FAM171A1: variants seen among roughly 807,000 people sequenced by gnomAD.
FAM171A1 encodes family with sequence similarity 171 member A1, also known as protein FAM171A1.
In FAM171A1, 23 loss-of-function variants were observed where a neutral mutation model predicts 74.9. That is an observed-to-expected ratio of 0.31 (90% CI 0.22 to 0.44). The LOEUF (loss-of-function observed/expected upper bound fraction) is 0.44, where lower values mean the gene tolerates loss of function less well. FAM171A1 is among the 20% of genes least tolerant of loss of function. The pLI is 1.00. For synonymous variants in FAM171A1, 527 were observed against 505.7 expected, an observed-to-expected ratio of 1.04 and a Z score of -0.57; for missense variants, 1,162 against 1,159.2, an observed-to-expected ratio of 1.00 and a Z score of -0.03.
intron 1 of FAM171A1, among the ~76,000 whole-genome samples, chr10:15,307,825 T>TC (rs1835315342): frequency 6.6e-6 from 1 of 151,372 alleles, no homozygotes; most frequent in African/African-American, 2.4e-5. Flanking sequence ...TTTTTTTTTT[T>TC]TGAGACAGCA....
chr10:15,363,014 T>C (rs1836015014), intron 1 of FAM171A1, among the ~76,000 whole-genome samples: 1 of 152,212 alleles, frequency 6.6e-6, no homozygotes, highest in Admixed American at 6.5e-5. Context: ...GCACACTGTC[T>C]TCATACAGCA....
intron 5 of FAM171A1, among the ~76,000 whole-genome samples, chr10:15,234,632 G>A (rs1834256997): frequency 6.6e-6 from 1 of 151,900 alleles, no homozygotes; most frequent in African/African-American, 2.4e-5. Context: ...TTGGCTGCAG[G>A]AGGGGACCGA....
rs1588498454 is a variant in FAM171A1, at chr10:15,227,277, A to T, written c.755-6217T>A. Among the ~76,000 whole-genome samples the T allele has an allele frequency of 2.0e-5, 3 of 152,192 alleles. No individual in the cohort carries two copies. The East Asian group carries it at 5.8e-4, about 29-fold the overall frequency. ...TGGCCTCCCAAAGTGTAGGGATTAT[A>T]GGTGTGAGCCACTGCACCCGGCCGG... On this transcript the variant is annotated intron_variant, in intron 5 of 7. Coordinates refer to ENST00000378116, the MANE Select transcript of FAM171A1 (RefSeq NM_001010924.2).
chr10:15,225,804 A>T (rs1834099306), intron 5 of FAM171A1, among the ~76,000 whole-genome samples: 1 of 152,152 alleles, frequency 6.6e-6, no homozygotes, highest in South Asian at 2.1e-4. Context: ...AACCAAAGAA[A>T]GCTCCACTGC....
chr10:15,327,366 A>G (rs2131854397), intron 1 of FAM171A1, among the ~76,000 whole-genome samples: 1 of 152,208 alleles, frequency 6.6e-6, no homozygotes, highest in South Asian at 2.1e-4. Flanking sequence ...TGTCACAAAT[A>G]TGACTGGGCA....
At chr10:15,278,092 G>C (rs1201763837) in intron 2 of FAM171A1, among the ~76,000 whole-genome samples, 1 of 152,152 alleles carries the variant, frequency 6.6e-6, no homozygotes, top group African/African-American at 2.4e-5. Context: ...GGGCACCAGT[G>C]AGTTGGCCGT....
In FAM171A1 at chr10:15,212,092, C is replaced by T. The variant is rs1261253274; in HGVS notation, c.*823G>A. 6.6e-6 allele frequency: 1 copy of T among 152,578 alleles called. No individual in the cohort carries two copies. The highest frequency in any genetic ancestry group is 1.5e-5 in the Non-Finnish European group (1 of 68,026). 9.5% of individuals were successfully genotyped at this position (152,578 alleles called of 1,614,324 possible). ...CATCCTTTAATAACTGTATAAAATC[C>T]AGGCAGTTCCATTAAAGGGGTTAAG... On this transcript the variant is annotated 3_prime_UTR_variant, in exon 8 of 8. Transcript: ENST00000378116.
At chr10:15,218,651 G>C (rs1326142669) in intron 6 of FAM171A1, among the ~76,000 whole-genome samples, 2 of 152,100 alleles carry the variant, frequency 1.3e-5, no homozygotes, top group Non-Finnish European at 2.9e-5. Flanking sequence ...CTGGAGTGCA[G>C]TGACATGATC....
chr10:15,267,702 G>C (rs1024847913), intron 3 of FAM171A1, among the ~76,000 whole-genome samples: 19 of 151,892 alleles, frequency 1.3e-4, no homozygotes, highest in Non-Finnish European at 2.5e-4. Flanking sequence ...CCCCACTCAG[G>C]TGCTGGGTCC....
intron 1 of FAM171A1, among the ~76,000 whole-genome samples, chr10:15,367,121 C>G (rs1166339497): frequency 6.6e-6 from 1 of 152,130 alleles, no homozygotes; most frequent in Admixed American, 6.6e-5. Flanking sequence ...ATGGCGTGAA[C>G]CTGGGAGGCG....
chr10:15,302,932 T>C (rs896459935), intron 1 of FAM171A1, among the ~76,000 whole-genome samples: 1 of 152,202 alleles, frequency 6.6e-6, no homozygotes, highest in Non-Finnish European at 1.5e-5. Flanking sequence ...CTCACACCTA[T>C]AATCCCAGCA....
At chr10:15,256,193 T>G (rs1349712023) in intron 3 of FAM171A1, among the ~76,000 whole-genome samples, 1 of 152,098 alleles carries the variant, frequency 6.6e-6, no homozygotes, top group African/African-American at 2.4e-5. Flanking sequence ...GGGCTTTATC[T>G]CCACTCCAGG....
chr10:15,357,981 C>T (rs2131886375), intron 1 of FAM171A1, among the ~76,000 whole-genome samples: 1 of 152,128 alleles, frequency 6.6e-6, no homozygotes, highest in East Asian at 1.9e-4. Flanking sequence ...AAGTAGAAAG[C>T]TTTTTATTTT....
At chr10:15,235,558 C>T (rs895468583) in intron 5 of FAM171A1, among the ~76,000 whole-genome samples, 1 of 152,170 alleles carries the variant, frequency 6.6e-6, no homozygotes, top group Non-Finnish European at 1.5e-5. Flanking sequence ...TTTAATTCCA[C>T]CTGTCCTTAT....
At chr10:15,359,105 C>T (rs1251766391) in intron 1 of FAM171A1, among the ~76,000 whole-genome samples, 2 of 152,182 alleles carry the variant, frequency 1.3e-5, no homozygotes, top group African/African-American at 2.4e-5. Flanking sequence ...GTAAGAAGCA[C>T]CGAGCACATG....
At chr10:15,297,054 G>A (rs1835170158) in intron 1 of FAM171A1, among the ~76,000 whole-genome samples, 1 of 151,800 alleles carries the variant, frequency 6.6e-6, no homozygotes, top group Admixed American at 6.6e-5. Flanking sequence ...GTGTATTAGA[G>A]CTTTTTTTCT....
intron 2 of FAM171A1, among the ~76,000 whole-genome samples, chr10:15,280,716 T>C (rs1171718575): frequency 6.6e-6 from 1 of 152,164 alleles, no homozygotes; most frequent in African/African-American, 2.4e-5. Context: ...AAGAAGGCAT[T>C]TTTTAGTTTC....
chr10:15,329,437 G>A (rs553899785), intron 1 of FAM171A1, among the ~76,000 whole-genome samples: 4 of 152,148 alleles, frequency 2.6e-5, no homozygotes, highest in East Asian at 3.9e-4. Flanking sequence ...CTGCTTGAGT[G>A]CCCAGGAGTT....
intron 5 of FAM171A1, among the ~76,000 whole-genome samples, chr10:15,222,410 C>A (rs978207855): frequency 1.3e-5 from 2 of 152,210 alleles, no homozygotes; most frequent in African/African-American, 4.8e-5. Flanking sequence ...GCTACAAACC[C>A]GTACATCGTG....
Sources: allele counts gnomAD v4.1 joint callset (sites outside exome capture counted in the v4.1 genomes callset), GRCh38; gene constraint gnomAD v4.1.1; transcripts MANE v1.5; gene names NCBI Gene and HGNC (gene_info 2026-07-23, HGNC 2026-07-21).